Variants in KLF7 observed in about 807,000 individuals in gnomAD.
KLF7 encodes the protein KLF transcription factor 7, also known as Krueppel-like factor 7.
A neutral mutation model predicts 27.3 loss-of-function variants in KLF7; 2 were observed. The ratio of observed to expected loss-of-function variants is 0.07; its 90% CI spans 0.03 to 0.23. The LOEUF is 0.23. Ranked by LOEUF, KLF7 falls within the 10% of genes least tolerant of loss-of-function variation. The probability of loss-of-function intolerance (pLI) is 1.00; values close to 1 mark genes in which losing one functional copy is unlikely to be tolerated. For missense variants in KLF7, 221 were observed against 394.1 expected (o/e 0.56, Z 3.72); for synonymous variants, 165 against 162.4 (o/e 1.02, Z -0.12).
chr2:207,119,399 T>C (rs188317227), intron 2 of KLF7, among the ~76,000 whole-genome samples: 2 of 138,780 alleles, frequency 1.4e-5, no homozygotes, highest in African/African-American at 5.4e-5. Flanking sequence ...AAAATCCTTC[T>C]TTTTTTACAT....
At chr2:207,143,753 G>A (rs1445306597) in intron 1 of KLF7, among the ~76,000 whole-genome samples, 1 of 152,174 alleles carries the variant, frequency 6.6e-6, no homozygotes, top group African/African-American at 2.4e-5. Flanking sequence ...CCAGGGCAAG[G>A]CTCACTCATT....
At chr2:207,110,943 C>T (rs879824352) in intron 2 of KLF7, among the ~76,000 whole-genome samples, 1 of 152,162 alleles carries the variant, frequency 6.6e-6, no homozygotes, top group Admixed American at 6.5e-5. Flanking sequence ...ACTGTTGACC[C>T]TTGGGCCCAC....
chr2:207,129,428 G>A (rs943301944), intron 1 of KLF7, among the ~76,000 whole-genome samples: 22 of 152,144 alleles, frequency 1.4e-4, no homozygotes, highest in African/African-American at 4.8e-4. Context: ...AAATATTCCC[G>A]AGTGCAAAGT....
chr2:207,113,678 G>A (rs2077101599), intron 2 of KLF7, among the ~76,000 whole-genome samples: 1 of 150,422 alleles, frequency 6.6e-6, no homozygotes, highest in South Asian at 2.1e-4. Flanking sequence ...AGCAGGCCCA[G>A]GCTGGTACCC....
intron 2 of KLF7, among the ~76,000 whole-genome samples, chr2:207,090,045 G>GTATCACC (rs2076476181): frequency 6.6e-6 from 1 of 151,894 alleles, no homozygotes; most frequent in South Asian, 2.1e-4. Context: ...TTCTTTATTT[G>GTATCACC]TATCACCTAG....
intron 2 of KLF7, among the ~76,000 whole-genome samples, chr2:207,100,190 G>A (rs1183415058): frequency 1.3e-5 from 2 of 152,114 alleles, no homozygotes; most frequent in East Asian, 3.9e-4. Context: ...TGGAGAGAAG[G>A]GCCCTCCCTG....
chr2:207,135,786 T>C (rs1265468940), intron 1 of KLF7, among the ~76,000 whole-genome samples: 1 of 152,118 alleles, frequency 6.6e-6, no homozygotes, highest in Non-Finnish European at 1.5e-5. Context: ...TAACTATAGG[T>C]GTTATTTACT....
intron 3 of KLF7, among the ~76,000 whole-genome samples, chr2:207,085,201 T>TAACGTCAC (rs2076361314): frequency 9.2e-6 from 1 of 108,688 alleles, no homozygotes; most frequent in Non-Finnish European, 1.8e-5. Flanking sequence ...AAAGGCACAC[T>TAACGTCAC]AACGTCACAT....
chr2:207,161,646 C>T (rs1310579264), intron 1 of KLF7, among the ~76,000 whole-genome samples: 2 of 152,208 alleles, frequency 1.3e-5, no homozygotes, highest in Non-Finnish European at 2.9e-5. Flanking sequence ...TACCATGAGG[C>T]TGTTCTTGGA....
intron 1 of KLF7, among the ~76,000 whole-genome samples, chr2:207,154,641 A>G (rs998396385): frequency 1.3e-5 from 2 of 152,216 alleles, no homozygotes; most frequent in African/African-American, 4.8e-5. Flanking sequence ...ACTGAGAGAA[A>G]GAGCATTGTG....
At position 207,075,362 on chromosome 2, in the gene KLF7, T is replaced by C. The variant is rs959696132; in HGVS notation, c.*5851A>G. ...TAATATATTTATATATATATATATA[T>C]AAAAAGCTTAAAAAAAATAAAATGT... On this transcript the variant is annotated 3_prime_UTR_variant, in exon 4 of 4. Transcript: ENST00000309446. 1 of 148,012 alleles carries C rather than the reference T, an allele frequency of 6.8e-6. No homozygotes were observed. The highest frequency in any genetic ancestry group is 1.5e-5 in the Non-Finnish European group (1 of 67,158). The allele number at this position is 148,012 out of a possible 1,614,324, so 9.2% of individuals were successfully genotyped here. A position where few individuals can be genotyped will look rare whatever the true frequency, so the allele number is the denominator to read the frequency against.
rs1230946638 is a variant in KLF7, at chr2:207,079,895, T to A, written c.*1318A>T. On this transcript the variant is annotated 3_prime_UTR_variant, in exon 4 of 4. Coordinates refer to ENST00000309446, the MANE Select transcript of KLF7 (RefSeq NM_003709.4). ...TTGTAACACGTAGGGGAATAGGAGC[T>A]CAGTGGGCATGACAGAGAAGACAGG... The A allele has an allele frequency of 6.6e-6, 1 of 152,178 alleles. No individual in the cohort carries two copies. Among genetic ancestry groups the A allele is most frequent in the East Asian group, 1.9e-4 (1 of 5,198 alleles). 9.4% of individuals were successfully genotyped at this position (152,178 alleles called of 1,614,324 possible).
At chr2:207,098,026 C>G (rs2076672587) in intron 2 of KLF7, among the ~76,000 whole-genome samples, 1 of 152,096 alleles carries the variant, frequency 6.6e-6, no homozygotes, top group African/African-American at 2.4e-5. Flanking sequence ...AGAATTTAGA[C>G]CTCAACAACA....
At chr2:207,124,748 T>C (rs2077435468) in intron 1 of KLF7, among the ~76,000 whole-genome samples, 1 of 152,146 alleles carries the variant, frequency 6.6e-6, no homozygotes, top group African/African-American at 2.4e-5. Flanking sequence ...CTAGAAATTA[T>C]CATGCAAGCA....
At chr2:207,131,204 C>G (rs1254583088) in intron 1 of KLF7, among the ~76,000 whole-genome samples, 2 of 152,130 alleles carry the variant, frequency 1.3e-5, no homozygotes, top group Non-Finnish European at 1.5e-5. Context: ...ATGCTTCTGG[C>G]GAGGAAGGGA....
rs1203480192 is a variant in KLF7 at position 207,076,636 on chromosome 2, C to G, written c.*4577G>C. 1 of 152,194 alleles carries G rather than the reference C, an allele frequency of 6.6e-6. No individual in the cohort carries two copies. The highest frequency in any genetic ancestry group is 1.5e-5 in the Non-Finnish European group (1 of 68,044). 9.4% of individuals were successfully genotyped at this position (152,194 alleles called of 1,614,324 possible). On this transcript the variant is annotated 3_prime_UTR_variant, in exon 4 of 4. Coordinates refer to ENST00000309446, the MANE Select transcript of KLF7 (RefSeq NM_003709.4). ...CAAGAAGTTTCTGCTTCCTTTCACA[C>G]ATTTCTGTTGTTCCATCTCAAGTAT...
chr2:207,100,136 C>CA (rs1187871551), intron 2 of KLF7, among the ~76,000 whole-genome samples: 5 of 99,988 alleles, frequency 5.0e-5, no homozygotes, highest in African/African-American at 1.3e-4. Context: ...GACCATGTCT[C>CA]AAAAAAAAGA....
chr2:207,149,658 T>C (rs911791402), intron 1 of KLF7, among the ~76,000 whole-genome samples: 1 of 152,222 alleles, frequency 6.6e-6, no homozygotes, highest in Admixed American at 6.5e-5. Flanking sequence ...CCCCAATCCT[T>C]GTCAGTATGG....
rs2077399187 is a variant in KLF7 at position 207,123,675 on chromosome 2, G to T, written c.733+99C>A. 9.8e-6 allele frequency: 13 copies of T among 1,326,396 alleles called. No homozygotes were observed. The South Asian group carries it at 1.5e-4, about 16-fold the overall frequency. The allele number at this position is 1,326,396 out of a possible 1,614,324, so 82.2% of individuals were successfully genotyped here. On this transcript the variant is annotated intron_variant, in intron 2 of 3. Transcript: ENST00000309446. ...CCGCCTGTCTATCACCTCCTCATCAGCAGGGGTGCCACTCCTCAGAACAAA... is the reference window on the plus strand; with the variant it reads ...CCGCCTGTCTATCACCTCCTCATCATCAGGGGTGCCACTCCTCAGAACAAA...
Sources: gnomAD v4.1 joint callset for allele counts (sites outside exome capture counted in the v4.1 genomes callset) on GRCh38, gnomAD v4.1.1 for gene constraint, MANE v1.5 for transcripts, NCBI Gene and HGNC (gene_info 2026-07-23, HGNC 2026-07-21) for gene names.